Variants in HID1 observed in about 807,000 individuals in gnomAD.
HID1 encodes protein HID1.
Under a neutral mutation model 89.7 loss-of-function variants are expected in HID1, and 42 were observed. That is an observed-to-expected ratio of 0.47 (90% CI 0.37 to 0.61). The LOEUF (loss-of-function observed/expected upper bound fraction) is 0.61, where lower values mean the gene tolerates loss of function less well. Ranked by LOEUF, HID1 falls within the 20% of genes least tolerant of loss-of-function variation. The pLI is 0.00. For missense variants in HID1, 854 were observed against 1,039.3 expected (o/e 0.82, Z 2.45); for synonymous variants, 442 against 433.8 (o/e 1.02, Z -0.24).
In HID1 at chr17:74,955,981, C is replaced by A. The variant is rs114849468; in HGVS notation, c.1472-25G>T. The A allele has an allele frequency of 4.3e-3, 6,868 of 1,607,666 alleles. 264 individuals are homozygous for A. The African/African-American group carries it at 0.079, about 19-fold the overall frequency. ...ACTGTAAGGGAGGGGTCAGCTCACTCCTGGGCCCCTCAGCCAAGCCATCCC... is the reference window on the plus strand; with the variant it reads ...ACTGTAAGGGAGGGGTCAGCTCACTACTGGGCCCCTCAGCCAAGCCATCCC... On this transcript the variant is annotated intron_variant, in intron 12 of 18. Transcript: ENST00000425042.
At position 74,962,465 on chromosome 17, in the gene HID1, C is replaced by A; in HGVS notation, c.505-125G>T. ...CAGAGACCGCCAGTTCTCCTAAAGA[C>A]AGGTCCTCAAAATGGCCTGGCCCTC... On this transcript the variant is annotated intron_variant, in intron 4 of 18. Coordinates refer to ENST00000425042, the MANE Select transcript of HID1 (RefSeq NM_030630.3). The surrounding 1 kb of genome is among the most constrained non-coding windows in gnomAD (Gnocchi z 4.3). 1.7e-6 allele frequency: 1 copy of A among 591,732 alleles called. No homozygotes were observed. Among genetic ancestry groups the A allele is most frequent in the Non-Finnish European group, 3.0e-6 (1 of 328,382 alleles). 36.7% of individuals were successfully genotyped at this position (591,732 alleles called of 1,614,324 possible). A position where few individuals can be genotyped will look rare whatever the true frequency, so the allele number is the denominator to read the frequency against.
intron 1 of HID1, among the ~76,000 whole-genome samples, chr17:74,965,278 C>T (rs564132654): frequency 6.6e-6 from 1 of 152,246 alleles, no homozygotes; most frequent in East Asian, 1.9e-4. Flanking sequence ...CTGCTGCCAA[C>T]GCATGCACCG....
intron 1 of HID1, among the ~76,000 whole-genome samples, chr17:74,969,212 T>C (rs554151231): frequency 2.0e-5 from 3 of 152,240 alleles, no homozygotes; most frequent in Admixed American, 6.5e-5. Flanking sequence ...TTTTCTTTTT[T>C]GAGACCGAGT....
chr17:74,954,462 G>A (rs1019772177), intron 13 of HID1, 97 bp from the exon 14 acceptor site: 1 of 1,535,902 alleles, frequency 6.5e-7, no homozygotes. Context: ...TTGGAGGACA[G>A]GAGGGTGTCT....
chr17:74,963,985 C>T (rs2039525039), intron 2 of HID1, 75 bp from the exon 3 acceptor site: 13 of 1,529,334 alleles, frequency 8.5e-6, no homozygotes, highest in Non-Finnish European at 1.2e-5. Flanking sequence ...TCAGGGTGGG[C>T]ACCCAGGCTG....
chr17:74,956,834 C>G (rs1225868298), intron 12 of HID1, among the ~76,000 whole-genome samples: 1 of 152,236 alleles, frequency 6.6e-6, no homozygotes, highest in East Asian at 1.9e-4. Context: ...CTTCCTCTCC[C>G]CAGCAGCTGT....
At chr17:74,956,901 G>T (rs1469490717) in intron 12 of HID1, among the ~76,000 whole-genome samples, 2 of 152,176 alleles carry the variant, frequency 1.3e-5, no homozygotes, top group Non-Finnish European at 2.9e-5. Flanking sequence ...AGGCAGAAAG[G>T]GTGGGGCCTC....
rs144198134 is a variant in HID1, at chr17:74,958,177, G to T, written c.1435C>A (p.Pro479Thr). 41 of 1,610,934 alleles carry T rather than the reference G, an allele frequency of 2.5e-5. No individual in the cohort carries two copies. Among genetic ancestry groups the T allele is most frequent in the Non-Finnish European group, 3.4e-5 (40 of 1,178,920 alleles). Residue 479 changes from proline to threonine, a missense_variant, in exon 12 of 19, where the codon CCC becomes ACC. Physicochemically the swap from Pro to Thr is conservative, Grantham distance 38. Coordinates refer to ENST00000425042, the MANE Select transcript of HID1 (RefSeq NM_030630.3). This position sits in a 1 kb window ranked among gnomAD's most constrained non-coding sequence, Gnocchi z 5.2. ...IITSGHQRLQ[P>T]LFDCLLTIVV... The stretch of plus-strand genomic sequence containing the variant: ...ATGGTGAGCAGGCAGTCGAAGAGGG[G>T]CTGCAACCGCTGGTGCCCGCTGGTG...
Position 74,959,171 on chromosome 17 carries a change from G to T in HID1, c.1009-120C>A. Reference sequence around the variant, plus strand: ...CCCAGAGCCAGATCCCACCTCCAGAGCCAGAGGGCCCAGATGCTATCACCC... The same window carrying T: ...CCCAGAGCCAGATCCCACCTCCAGATCCAGAGGGCCCAGATGCTATCACCC... On this transcript the variant is annotated intron_variant, in intron 8 of 18. Coordinates refer to ENST00000425042, the MANE Select transcript of HID1 (RefSeq NM_030630.3). The surrounding 1 kb of genome is among the most constrained non-coding windows in gnomAD (Gnocchi z 4.6). 1.7e-6 allele frequency: 2 copies of T among 1,175,970 alleles called. No individual in the cohort carries two copies. Among genetic ancestry groups the T allele is most frequent in the Non-Finnish European group, 2.3e-6 (2 of 869,100 alleles). 72.8% of individuals were successfully genotyped at this position (1,175,970 alleles called of 1,614,324 possible). A position where few individuals can be genotyped will look rare whatever the true frequency, so the allele number is the denominator to read the frequency against.
At chr17:74,967,250 A>G (rs2039576628) in intron 1 of HID1, among the ~76,000 whole-genome samples, 1 of 150,118 alleles carries the variant, frequency 6.7e-6, no homozygotes, top group Admixed American at 6.6e-5. Context: ...AATAATAATA[A>G]TAATAATAGG....
At chr17:74,957,890 G>A in intron 12 of HID1, 1 of 491,982 alleles carries the variant, frequency 2.0e-6, no homozygotes, top group Non-Finnish European at 3.7e-6. Context: ...ACAAGACTGA[G>A]TGTGAGAAGG....
Position 74,965,951 on chromosome 17 carries a change from G to A in HID1, c.67-1319C>T, listed in dbSNP as rs182187396. Among the ~76,000 whole-genome samples the A allele has an allele frequency of 9.3e-4, 140 of 150,960 alleles. 1 individual carries two copies. In the East Asian group the frequency reaches 0.022, roughly 24 times the overall value. On this transcript the variant is annotated intron_variant, in intron 1 of 18. Transcript: ENST00000425042. ...AAAAGTACACAAGATATAAAACTTC[G>A]TCTAGGATGCTCACAATTCATGTTA...
At chr17:74,953,681 T>G (rs779647130) in intron 14 of HID1, 30 bp from the exon 15 acceptor site, 4 of 1,561,752 alleles carry the variant, frequency 2.6e-6, no homozygotes, top group Non-Finnish European at 3.5e-6. Context: ...GAGTGAGGAC[T>G]CCCTGCCACA....
chr17:74,957,975 A>C (rs1406377036), intron 12 of HID1, 166 bp downstream of exon 12: 1 of 607,292 alleles, frequency 1.6e-6, no homozygotes, highest in Non-Finnish European at 2.9e-6. Flanking sequence ...CATATTATTC[A>C]ATTGTTGTCA....
chr17:74,954,229 G>A lies in HID1; in HGVS notation c.1773C>T (p.Thr591=), dbSNP rs755716748. The change falls in exon 14 of 19, where the codon ACC becomes ACT. Residue 591 remains threonine, a synonymous_variant. Coordinates refer to ENST00000425042, the MANE Select transcript of HID1 (RefSeq NM_030630.3). ...RRRTPEPLSR[T]GSQEGTSMEG... ...CCATGGAGGTGCCCTCCTGGGAGCC[G>A]GTGCGAGACAAGGGCTCAGGTGTCC... The A allele has an allele frequency of 1.8e-5, 29 of 1,595,170 alleles. No homozygotes were observed. The highest frequency in any genetic ancestry group is 1.8e-4 in the East Asian group (8 of 44,190).
In HID1 at chr17:74,963,929, G is replaced by A. The variant is rs773256097; in HGVS notation, c.217-19C>T. ...CAACGGCCTGTGGGGGCAGGCAGGA[G>A]CAGAGGGCAGGCTGGAAGGTGGGGA... is the stretch of plus-strand genomic sequence containing the variant. On this transcript the variant is annotated intron_variant, in intron 2 of 18. Transcript: ENST00000425042. 6.2e-7 allele frequency: 1 copy of A among 1,613,208 alleles called. No individual in the cohort carries two copies. Among genetic ancestry groups the A allele is most frequent in the Non-Finnish European group, 8.5e-7 (1 of 1,179,598 alleles).
intron 1 of HID1, among the ~76,000 whole-genome samples, chr17:74,968,707 C>T (rs2039599335): frequency 1.3e-5 from 2 of 152,142 alleles, no homozygotes; most frequent in South Asian, 4.1e-4. Context: ...TAAGGAAGGA[C>T]ATCCCAGGAA....
chr17:74,963,962 C>T (rs2039524342), intron 2 of HID1, 52 bp from the exon 3 acceptor site: 1 of 1,601,280 alleles, frequency 6.2e-7, no homozygotes, highest in Admixed American at 1.7e-5. Context: ...GGAAAGGACC[C>T]TGGCACTTGG....
Position 74,953,620 on chromosome 17 carries a change from C to T in HID1, c.1896G>A (p.Val632=). 6.2e-7 allele frequency: 1 copy of T among 1,614,116 alleles called. No individual in the cohort carries two copies. The highest frequency in any genetic ancestry group is 8.5e-7 in the Non-Finnish European group (1 of 1,179,982). Residue 632 remains valine, a synonymous_variant, in exon 15 of 19, where the codon GTG becomes GTA. Transcript: ENST00000425042. ...GGGACCGCAAGGTGCCATCCTCTGA[C>T]ACCTGGGACTTCTCGGTCAGCTTGT... ...GIDKLTEKSQ[V]SEDGTLRSLE... is the part of the protein sequence containing the mutation.
Sources: allele counts gnomAD v4.1 joint callset (sites outside exome capture counted in the v4.1 genomes callset), GRCh38; gene constraint gnomAD v4.1.1; non-coding constraint Gnocchi (gnomAD v3.1); transcripts MANE v1.5; gene names NCBI Gene and HGNC (gene_info 2026-07-23, HGNC 2026-07-21).